Variants in CPB2 observed in about 807,000 individuals in gnomAD.
The protein encoded by CPB2 is carboxypeptidase B-like protein.
CPB2 carries 54 observed loss-of-function variants against 57.0 expected under a neutral mutation model. The observed-to-expected ratio is 0.95, with a 90% CI of 0.76 to 1.19. The LOEUF (loss-of-function observed/expected upper bound fraction) is 1.19, where lower values mean the gene tolerates loss of function less well. CPB2 is among the 50% of genes most tolerant of loss of function. The pLI, the probability that CPB2 is intolerant of heterozygous loss-of-function variation, is 0.00. For synonymous variants in CPB2, 189 were observed against 178.1 expected (o/e 1.06, Z -0.49); for missense variants, 426 against 512.0 (o/e 0.83, Z 1.62).
intron 1 of CPB2, among the ~76,000 whole-genome samples, chr13:46,090,152 C>T (rs1464294623): frequency 6.6e-6 from 1 of 151,490 alleles, no homozygotes; most frequent in East Asian, 1.9e-4. Context: ...TCTGCCCTGC[C>T]CAATTCTTTT....
chr13:46,083,091 TA>T (rs1350124390), intron 3 of CPB2, among the ~76,000 whole-genome samples: 1 of 152,180 alleles, frequency 6.6e-6, no homozygotes, highest in Non-Finnish European at 1.5e-5. Context: ...CCACATTTGT[TA>T]ACCAGGCAAA....
chr13:46,065,422 C>T (rs932315777), intron 7 of CPB2, among the ~76,000 whole-genome samples: 1 of 151,882 alleles, frequency 6.6e-6, no homozygotes, highest in East Asian at 1.9e-4. Context: ...GTCAGGAGAT[C>T]GAGACCATTC....
At chr13:46,056,221 C>T (rs920690482) in intron 9 of CPB2, among the ~76,000 whole-genome samples, 4 of 152,150 alleles carry the variant, frequency 2.6e-5, no homozygotes, top group African/African-American at 4.8e-5. Flanking sequence ...TATCACCAAA[C>T]TTTAAATCCA....
chr13:46,079,159 TA>T (rs2139385663), intron 4 of CPB2, among the ~76,000 whole-genome samples: 1 of 152,334 alleles, frequency 6.6e-6, no homozygotes, highest in African/African-American at 2.4e-5. Flanking sequence ...AGTTAATCTA[TA>T]AACTATGGCC....
chr13:46,070,028 T>C (rs927131315), intron 6 of CPB2, among the ~76,000 whole-genome samples: 4 of 152,238 alleles, frequency 2.6e-5, no homozygotes, highest in African/African-American at 9.6e-5. Flanking sequence ...TGGTCTGCAA[T>C]ATACAATGAC....
In CPB2 at chr13:46,067,569, C is replaced by T. The variant is rs2044875559; in HGVS notation, c.592-152G>A. ...GTGCTAATTCCTCAAAAGAACTGAA[C>T]TTAGGGTGCTACGAAGTGGTGATAA... is the stretch of plus-strand genomic sequence containing the variant. On this transcript the variant is annotated intron_variant, in intron 6 of 10. Coordinates refer to ENST00000181383, the MANE Select transcript of CPB2 (RefSeq NM_001872.5). 4 of 561,110 alleles carry T rather than the reference C, an allele frequency of 7.1e-6. No homozygotes were observed. The Admixed American group carries it at 9.7e-5, about 14-fold the overall frequency. The allele number at this position is 561,110 out of a possible 1,614,324, so 34.8% of individuals were successfully genotyped here.
At chr13:46,070,505 T>C (rs2139370105) in intron 6 of CPB2, among the ~76,000 whole-genome samples, 1 of 152,244 alleles carries the variant, frequency 6.6e-6, no homozygotes, top group Admixed American at 6.5e-5. Flanking sequence ...TCCTCTCACT[T>C]TGCCTGGGGT....
chr13:46,091,959 C>G (rs916575570), intron 1 of CPB2, among the ~76,000 whole-genome samples: 2 of 152,214 alleles, frequency 1.3e-5, no homozygotes, highest in Non-Finnish European at 1.5e-5. Context: ...CAGTATACCA[C>G]TGAGTAACCT....
At chr13:46,084,074 A>C (rs2045160737) in intron 3 of CPB2, 145 bp downstream of exon 3, 1 of 945,664 alleles carries the variant, frequency 1.1e-6, no homozygotes. Flanking sequence ...AGGCTTTATC[A>C]CCAGTCCATT....
Position 46,053,455 on chromosome 13 carries a change from G to C in CPB2, c.*159C>G. On this transcript the variant is annotated 3_prime_UTR_variant, in exon 11 of 11. Transcript: ENST00000181383. ...GACATGAACCCTAGTCTGCCTTAAT[G>C]GCAAAGTAGCACTTATTAGGTTCTC... 1 of 1,122,494 alleles carries C rather than the reference G, an allele frequency of 8.9e-7. No homozygotes were observed. The allele number at this position is 1,122,494 out of a possible 1,614,324, so 69.5% of individuals were successfully genotyped here.
At chr13:46,099,576 A>C (rs1218146124) in intron 1 of CPB2, 1 of 152,232 alleles carries the variant, frequency 6.6e-6, no homozygotes, top group Admixed American at 6.5e-5. Context: ...TTTCAAGTCC[A>C]TGTAGAGGAA....
chr13:46,061,729 C>T (rs750476800), intron 8 of CPB2, among the ~76,000 whole-genome samples: 14 of 152,126 alleles, frequency 9.2e-5, no homozygotes, highest in Non-Finnish European at 1.8e-4. Context: ...GTTATAGCAG[C>T]CTGAGAAGAC....
At chr13:46,075,809 T>TA (rs17844221) in intron 5 of CPB2, among the ~76,000 whole-genome samples, 5 of 152,112 alleles carry the variant, frequency 3.3e-5, no homozygotes, top group Admixed American at 2.0e-4. Flanking sequence ...TCCAGAGCTT[T>TA]AAAAAAAATT....
intron 4 of CPB2, among the ~76,000 whole-genome samples, chr13:46,079,551 A>AAAAAAAAG (rs2045078862): frequency 1.1e-3 from 139 of 124,608 alleles, no homozygotes; most frequent in Non-Finnish European, 1.3e-3. Flanking sequence ...AAAAAAAAAA[A>AAAAAAAAG]AAAAGAAAAG....
intron 10 of CPB2, among the ~76,000 whole-genome samples, chr13:46,055,307 A>G (rs925859156): frequency 2.0e-5 from 3 of 152,192 alleles, no homozygotes; most frequent in African/African-American, 7.2e-5. Flanking sequence ...TGTGTGTGTA[A>G]TATATATTAA....
At chr13:46,089,555 A>T (rs2045260616) in intron 1 of CPB2, among the ~76,000 whole-genome samples, 1 of 152,180 alleles carries the variant, frequency 6.6e-6, no homozygotes, top group Admixed American at 6.5e-5. Context: ...TTCATCAATT[A>T]GTATTATGAG....
chr13:46,087,805 A>G lies in CPB2; in HGVS notation c.90T>C (p.Ala30=). 6.2e-7 allele frequency: 1 copy of G among 1,609,824 alleles called. No individual in the cohort carries two copies. The highest frequency in any genetic ancestry group is 2.2e-5 in the East Asian group (1 of 44,850). ...VFAFQSGQVL[A]ALPRTSRQVQ... ...CTTGCCTAGAGGTTCTAGGAAGAGC[A>G]GCTAGAACTTGGCCACTGGGGAAAA... is the stretch of plus-strand genomic sequence containing the variant. The change falls in exon 2 of 11, where the codon GCT becomes GCC. Residue 30 remains alanine (A), a synonymous_variant. Transcript: ENST00000181383.
chr13:46,079,030 C>T (rs1277988112), intron 4 of CPB2, 129 bp from the exon 5 acceptor site: 5 of 608,862 alleles, frequency 8.2e-6, no homozygotes, highest in Non-Finnish European at 1.5e-5. Context: ...ACCTAAAGCA[C>T]TTAGGGCAGG....
chr13:46,099,293 C>T (rs561814382), intron 1 of CPB2: 10 of 152,224 alleles, frequency 6.6e-5, no homozygotes, highest in South Asian at 6.2e-4. Flanking sequence ...AAAGCCAGGA[C>T]GAATGGCAGG....
Sources: allele counts gnomAD v4.1 joint callset (sites outside exome capture counted in the v4.1 genomes callset), GRCh38; gene constraint gnomAD v4.1.1; transcripts MANE v1.5; gene names NCBI Gene and HGNC (gene_info 2026-07-23, HGNC 2026-07-21).